CSNK2A2IP: variants seen among roughly 807,000 people sequenced by gnomAD.
CSNK2A2IP encodes casein kinase II subunit alpha'-interacting protein.
the CSNK2A2IP span, among the ~76,000 whole-genome samples, chr3:88,372,607 T>A: frequency 2.0e-5 from 3 of 151,256 alleles, no homozygotes; most frequent in Non-Finnish European, 4.4e-5. Flanking sequence ...AATAGCAAAA[T>A]GGCAGAAATA....
At chr3:88,464,076 C>CA in the CSNK2A2IP span, among the ~76,000 whole-genome samples, 46 of 150,304 alleles carry the variant, frequency 3.1e-4, 2 homozygotes, top group East Asian at 7.9e-3. Flanking sequence ...AAAAACCAAA[C>CA]ACCACATGTT....
At chr3:88,467,316 T>G in the CSNK2A2IP span, 2 of 399,442 alleles carry the variant, frequency 5.0e-6, no homozygotes, top group African/African-American at 4.1e-5. Context: ...CCTCTTCCTC[T>G]CCTTCCAAAG....
At chr3:88,354,910 T>C in the CSNK2A2IP span, among the ~76,000 whole-genome samples, 1 of 152,102 alleles carries the variant, frequency 6.6e-6, no homozygotes, top group Non-Finnish European at 1.5e-5. Flanking sequence ...AGCCTAGGTA[T>C]TGATAACATT....
chr3:88,377,265 C>T, the CSNK2A2IP span, among the ~76,000 whole-genome samples: 1 of 151,280 alleles, frequency 6.6e-6, no homozygotes, highest in Non-Finnish European at 1.5e-5. Context: ...TCTTCCCAAA[C>T]TTCTCCTTCT....
chr3:88,413,924 A>G, the CSNK2A2IP span, among the ~76,000 whole-genome samples: 1 of 151,866 alleles, frequency 6.6e-6, no homozygotes, highest in Non-Finnish European at 1.5e-5. Context: ...AATTTCCTTA[A>G]TAGAAGAATA....
the CSNK2A2IP span, among the ~76,000 whole-genome samples, chr3:88,399,334 T>C: frequency 6.6e-6 from 1 of 152,180 alleles, no homozygotes; most frequent in African/African-American, 2.4e-5. Flanking sequence ...ATCATCTACC[T>C]TCTAAAAAAT....
chr3:88,379,837 G>T, the CSNK2A2IP span, among the ~76,000 whole-genome samples: 1 of 152,018 alleles, frequency 6.6e-6, no homozygotes, highest in Non-Finnish European at 1.5e-5. Context: ...TGTAGTGCAG[G>T]CTATTGTTTT....
At chr3:88,356,762 T>C in the CSNK2A2IP span, among the ~76,000 whole-genome samples, 1 of 152,252 alleles carries the variant, frequency 6.6e-6, no homozygotes, top group South Asian at 2.1e-4. Context: ...CCAACATTCG[T>C]TAATTTTTGT....
chr3:88,341,940 T>C, the CSNK2A2IP span, among the ~76,000 whole-genome samples: 1 of 151,946 alleles, frequency 6.6e-6, no homozygotes, highest in Non-Finnish European at 1.5e-5. Flanking sequence ...AAGCAGAGGA[T>C]TATAGAAAAT....
chr3:88,442,369 G>T, the CSNK2A2IP span, among the ~76,000 whole-genome samples: 26 of 149,842 alleles, frequency 1.7e-4, no homozygotes, highest in Admixed American at 1.8e-3. Context: ...TCAAATACAT[G>T]TCAATATTTT....
chr3:88,347,530 C>G, the CSNK2A2IP span, among the ~76,000 whole-genome samples: 2 of 152,050 alleles, frequency 1.3e-5, no homozygotes, highest in African/African-American at 4.8e-5. Context: ...TCATGGAATG[C>G]TCTGATGATT....
At chr3:88,466,489 C>G in the CSNK2A2IP span, 1 of 1,231,984 alleles carries the variant, frequency 8.1e-7, no homozygotes, top group African/African-American at 1.5e-5. Flanking sequence ...AAGCTCCAAA[C>G]ACTGCACCAG....
At chr3:88,456,053 TA>T in the CSNK2A2IP span, among the ~76,000 whole-genome samples, 1 of 152,062 alleles carries the variant, frequency 6.6e-6, no homozygotes, top group East Asian at 1.9e-4. Flanking sequence ...TCTGTTCCAT[TA>T]GCTTATGTGT....
chr3:88,372,236 G>T, the CSNK2A2IP span, among the ~76,000 whole-genome samples: 1 of 151,468 alleles, frequency 6.6e-6, no homozygotes, highest in African/African-American at 2.4e-5. Context: ...TGGTGCAAAA[G>T]TAATTGTGTT....
At chr3:88,380,193 A>T in the CSNK2A2IP span, among the ~76,000 whole-genome samples, 1 of 152,078 alleles carries the variant, frequency 6.6e-6, no homozygotes, top group Non-Finnish European at 1.5e-5. Context: ...AAGGCTAAAA[A>T]ACTATTTAAA....
the CSNK2A2IP span, among the ~76,000 whole-genome samples, chr3:88,464,172 G>A: frequency 1.4e-5 from 2 of 147,540 alleles, no homozygotes; most frequent in South Asian, 2.2e-4. Flanking sequence ...GTGGTGTGGG[G>A]GGAGGGGGGA....
the CSNK2A2IP span, among the ~76,000 whole-genome samples, chr3:88,461,289 C>T: frequency 2.0e-5 from 3 of 152,106 alleles, no homozygotes; most frequent in East Asian, 3.9e-4. Flanking sequence ...TACAGTGGCT[C>T]ACGCCTGTAA....
chr3:88,401,756 T>C, the CSNK2A2IP span, among the ~76,000 whole-genome samples: 21 of 151,968 alleles, frequency 1.4e-4, no homozygotes, highest in African/African-American at 5.1e-4. Flanking sequence ...AGTCCAACTT[T>C]GCAACTGAGT....
the CSNK2A2IP span, among the ~76,000 whole-genome samples, chr3:88,445,884 TC>T: frequency 1.3e-5 from 2 of 151,670 alleles, no homozygotes; most frequent in Non-Finnish European, 2.9e-5. Context: ...ATGGTTTCTT[TC>T]TTTCTTTCTC....
Sources: allele counts gnomAD v4.1 joint callset (sites outside exome capture counted in the v4.1 genomes callset), GRCh38; gene constraint gnomAD v4.1.1; transcripts MANE v1.5; gene names NCBI Gene and HGNC (gene_info 2026-07-23, HGNC 2026-07-21).